The following OTOGL variants were observed in gnomAD, a reference collection of about 807,000 sequenced individuals.
OTOGL encodes otogelin-like protein.
A neutral mutation model predicts 318.5 loss-of-function variants in OTOGL; 285 were observed. The observed-to-expected ratio is 0.89, with a 90% CI of 0.81 to 0.99. OTOGL has a LOEUF of 0.99. Ranked by LOEUF, OTOGL falls within the 50% of genes least tolerant of loss-of-function variation. OTOGL has a pLI of 0.00. For missense variants in OTOGL, 2,899 were observed against 2,845.6 expected, an observed-to-expected ratio of 1.02 and a Z score of -0.43; for synonymous variants, 987 against 936.5, an observed-to-expected ratio of 1.05 and a Z score of -0.99.
At chr12:80,153,923 A>G (rs1157399355) in intron 1 of OTOGL, among the ~76,000 whole-genome samples, 1 of 152,256 alleles carries the variant, frequency 6.6e-6, no homozygotes, top group East Asian at 1.9e-4. Flanking sequence ...CTAAAATAAA[A>G]TAGAGACCAG....
intron 1 of OTOGL, among the ~76,000 whole-genome samples, chr12:80,148,098 G>T (rs1321102520): frequency 1.3e-5 from 2 of 151,580 alleles, no homozygotes; most frequent in East Asian, 3.9e-4. Flanking sequence ...CTGTCATGAT[G>T]ATGTTAGCTG....
chr12:80,310,579 A>T (rs747503854), intron 29 of OTOGL, 32 bp from the exon 30 acceptor site: 10 of 1,470,998 alleles, frequency 6.8e-6, no homozygotes, highest in Non-Finnish European at 7.5e-6. Flanking sequence ...TCCCTTTGAA[A>T]ACTTCTTTTC....
intron 1 of OTOGL, among the ~76,000 whole-genome samples, chr12:80,152,580 A>G (rs1326044784): frequency 6.6e-6 from 1 of 152,232 alleles, no homozygotes; most frequent in African/African-American, 2.4e-5. Flanking sequence ...ATGTAAGGTA[A>G]TTTATAGTCA....
chr12:80,127,609 C>G (rs1870937152), intron 1 of OTOGL, among the ~76,000 whole-genome samples: 1 of 152,224 alleles, frequency 6.6e-6, no homozygotes, highest in African/African-American at 2.4e-5. Flanking sequence ...TGGGGAAGTT[C>G]TCCTGCATAA....
At chr12:80,329,241 A>G in intron 37 of OTOGL, 122 bp downstream of exon 37, 1 of 742,000 alleles carries the variant, frequency 1.3e-6, no homozygotes, top group Non-Finnish European at 2.0e-6. Flanking sequence ...TAGGAAACCC[A>G]GCAGTCACTT....
chr12:80,367,711 T>C lies in OTOGL; in HGVS notation c.6482T>C (p.Leu2161Pro). Residue 2161 changes from leucine (L) to proline (P), a missense_variant, in exon 54 of 59, where the codon CTG becomes CCG. Around this residue, in one of 3 missense-constraint regions of OTOGL, gnomAD observed 289 missense variants for 304.6 expected, o/e 0.95. Coordinates refer to ENST00000547103, the MANE Select transcript of OTOGL (RefSeq NM_001378609.3). ...HTGFHTLNFT[L>P]VNCSKKCDVH... ...GGCTTTCACACTCTGAATTTTACACTGGTGAATTGTTCAAAAAAATGTGAT... is the reference window on the plus strand; with the variant it reads ...GGCTTTCACACTCTGAATTTTACACCGGTGAATTGTTCAAAAAAATGTGAT... 9 of 1,438,984 alleles carry C rather than the reference T, an allele frequency of 6.3e-6. No individual in the cohort carries two copies. Among genetic ancestry groups the C allele is most frequent in the Non-Finnish European group, 8.3e-6 (9 of 1,089,660 alleles). The allele number at this position is 1,438,984 out of a possible 1,614,324, so 89.1% of individuals were successfully genotyped here.
intron 52 of OTOGL, among the ~76,000 whole-genome samples, chr12:80,364,522 T>C (rs1246839597): frequency 6.6e-6 from 1 of 152,106 alleles, no homozygotes. Context: ...TTAGAAGAAT[T>C]TCATCAATCC....
At chr12:80,345,531 C>T (rs1357250318) in intron 44 of OTOGL, among the ~76,000 whole-genome samples, 1 of 151,974 alleles carries the variant, frequency 6.6e-6, no homozygotes, top group Non-Finnish European at 1.5e-5. Context: ...GCCATCACAC[C>T]TGACCATGGC....
At position 80,367,882 on chromosome 12, in the gene OTOGL, C is replaced by T. The variant is rs1332660680; in HGVS notation, c.6510+143C>T. ...AATAGTCTACTATTTTGTAATATAT[C>T]AATAAAACACAGACTTTCACTTTCC... On this transcript the variant is annotated intron_variant, in intron 54 of 58. Transcript: ENST00000547103. 9.7e-6 allele frequency: 6 copies of T among 616,328 alleles called. No homozygotes were observed. The African/African-American group carries it at 1.1e-4, about 12-fold the overall frequency. The allele number at this position is 616,328 out of a possible 1,614,324, so 38.2% of individuals were successfully genotyped here.
chr12:80,318,506 T>C, intron 32 of OTOGL, 40 bp from the exon 33 acceptor site: 2 of 1,187,882 alleles, frequency 1.7e-6, no homozygotes, highest in Non-Finnish European at 2.1e-6. Context: ...ATTTTAAAAA[T>C]CTATGCCAAT....
chr12:80,166,849 C>T (rs563472096), intron 1 of OTOGL, among the ~76,000 whole-genome samples: 2 of 151,906 alleles, frequency 1.3e-5, no homozygotes, highest in South Asian at 2.1e-4. Flanking sequence ...AAATAAAGCA[C>T]GAATTGGAGA....
At chr12:80,225,850 C>G (rs555262716) in intron 7 of OTOGL, among the ~76,000 whole-genome samples, 31 of 151,990 alleles carry the variant, frequency 2.0e-4, no homozygotes, top group Non-Finnish European at 4.4e-4. Context: ...CATTATCATA[C>G]AGATATCCTT....
intron 26 of OTOGL, among the ~76,000 whole-genome samples, chr12:80,285,070 G>C (rs901817292): frequency 6.6e-6 from 1 of 152,092 alleles, no homozygotes; most frequent in Admixed American, 6.5e-5. Context: ...TGTAAGGAAG[G>C]GGTCCAGTTT....
At chr12:80,256,275 G>T (rs1051737797) in intron 16 of OTOGL, 62 bp from the exon 17 acceptor site, 4 of 1,505,664 alleles carry the variant, frequency 2.7e-6, no homozygotes, top group Non-Finnish European at 3.6e-6. Context: ...CCACCTTCCT[G>T]TCTCTTTCTA....
intron 1 of OTOGL, among the ~76,000 whole-genome samples, chr12:80,189,108 C>A (rs1456232567): frequency 6.6e-6 from 1 of 152,132 alleles, no homozygotes; most frequent in Non-Finnish European, 1.5e-5. Flanking sequence ...AAGAACAGTG[C>A]ATCCTTTAAG....
intron 35 of OTOGL, among the ~76,000 whole-genome samples, chr12:80,325,077 A>G (rs931595289): frequency 9.2e-5 from 14 of 152,050 alleles, no homozygotes; most frequent in African/African-American, 3.4e-4. Flanking sequence ...GGAGATATGG[A>G]TCAATAGTAG....
At chr12:80,377,295 C>A in intron 58 of OTOGL, 93 bp downstream of exon 58, 1 of 820,748 alleles carries the variant, frequency 1.2e-6, no homozygotes. Flanking sequence ...CAACAAACTG[C>A]CAACGCTTAA....
chr12:80,374,989 T>C (rs1404830368), intron 57 of OTOGL, among the ~76,000 whole-genome samples: 1 of 152,288 alleles, frequency 6.6e-6, no homozygotes, highest in Admixed American at 6.5e-5. Context: ...ATAATAAATT[T>C]AGGCCTGTCC....
chr12:80,348,107 C>T (rs1258360174), intron 44 of OTOGL, among the ~76,000 whole-genome samples: 1 of 152,156 alleles, frequency 6.6e-6, no homozygotes, highest in Non-Finnish European at 1.5e-5. Context: ...TTTTGCTGTG[C>T]AGAAGCTGTT....
Sources: allele counts gnomAD v4.1 joint callset (sites outside exome capture counted in the v4.1 genomes callset), GRCh38; gene constraint gnomAD v4.1.1; regional missense constraint gnomAD v4.1.1; transcripts MANE v1.5; gene names NCBI Gene and HGNC (gene_info 2026-07-23, HGNC 2026-07-21).